Variants in PRKCE observed in about 807,000 individuals in gnomAD.
PRKCE encodes protein kinase C epsilon type.
In PRKCE, 16 loss-of-function variants were observed where a neutral mutation model predicts 85.4. The observed-to-expected ratio is 0.19, with a 90% CI of 0.13 to 0.28. The LOEUF is 0.28. Among genes scored for constraint, PRKCE ranks in the 10% least tolerant of loss-of-function variants. PRKCE has a pLI of 1.00. For missense variants in PRKCE, 573 were observed against 975.2 expected (o/e 0.59, Z 5.49); for synonymous variants, 388 against 371.5 (o/e 1.04, Z -0.51).
intron 10 of PRKCE, among the ~76,000 whole-genome samples, chr2:46,033,488 G>C (rs1277401435): frequency 6.6e-6 from 1 of 152,134 alleles, no homozygotes; most frequent in East Asian, 1.9e-4. Flanking sequence ...CAAATTGTAG[G>C]TCCCACCCCT....
chr2:45,716,518 C>T (rs902899414), intron 1 of PRKCE, among the ~76,000 whole-genome samples: 8 of 139,254 alleles, frequency 5.7e-5, no homozygotes, highest in African/African-American at 2.2e-4. Context: ...AAGACTCTGT[C>T]AAGAAAGAAA....
rs114865655 is a variant in PRKCE, at chr2:45,750,733, G to A, written c.349-92267G>A. ...ATGGGTCATTCTGAGAATTGAATGAGTAATACATGGAAGTATATAGAACAG... is the reference window on the plus strand; with the variant it reads ...ATGGGTCATTCTGAGAATTGAATGAATAATACATGGAAGTATATAGAACAG... On this transcript the variant is annotated intron_variant, in intron 1 of 14. Coordinates refer to ENST00000306156, the MANE Select transcript of PRKCE (RefSeq NM_005400.3). 5.9e-3 allele frequency among the ~76,000 whole-genome samples: 903 copies of A among 152,312 alleles called. 12 individuals are homozygous for A. The highest frequency in any genetic ancestry group is 0.02 in the African/African-American group (834 of 41,552).
intron 5 of PRKCE, among the ~76,000 whole-genome samples, chr2:45,984,158 G>A (rs957671098): frequency 1.3e-5 from 2 of 151,886 alleles, no homozygotes; most frequent in Admixed American, 1.3e-4. Context: ...GGCTGGTCTC[G>A]AACTCCTGAC....
At chr2:46,053,810 A>C (rs1391370528) in intron 10 of PRKCE, among the ~76,000 whole-genome samples, 1 of 152,174 alleles carries the variant, frequency 6.6e-6, no homozygotes, top group African/African-American at 2.4e-5. Flanking sequence ...ATTGCGAGTA[A>C]TGCTGCTGTG....
At chr2:45,721,290 G>C (rs549025330) in intron 1 of PRKCE, among the ~76,000 whole-genome samples, 1 of 152,250 alleles carries the variant, frequency 6.6e-6, no homozygotes, top group East Asian at 1.9e-4. Context: ...CATTTTCACA[G>C]TTCCACATTG....
At chr2:45,757,595 A>C (rs1410742764) in intron 1 of PRKCE, among the ~76,000 whole-genome samples, 1 of 152,130 alleles carries the variant, frequency 6.6e-6, no homozygotes, top group African/African-American at 2.4e-5. Context: ...TGAGCCCAGG[A>C]GTTAGAGGTT....
chr2:45,753,004 T>C (rs796688779), intron 1 of PRKCE, among the ~76,000 whole-genome samples: 12 of 152,292 alleles, frequency 7.9e-5, no homozygotes, highest in African/African-American at 2.9e-4. Context: ...GGCACACACA[T>C]TTCATGGAGA....
chr2:46,072,388 A>G (rs1211155455), intron 10 of PRKCE, among the ~76,000 whole-genome samples: 1 of 152,232 alleles, frequency 6.6e-6, no homozygotes, highest in African/African-American at 2.4e-5. Flanking sequence ...ATGAAAGGGG[A>G]TTTAGCAGAG....
Position 45,899,855 on chromosome 2 carries a change from C to T in PRKCE, c.412+56792C>T, listed in dbSNP as rs78957927. ...GACACCACCTGGGGAGAAAGCCATG[C>T]GGCAATTGTGTCTCTTTTCATTTCT... On this transcript the variant is annotated intron_variant, in intron 2 of 14. Coordinates refer to ENST00000306156, the MANE Select transcript of PRKCE (RefSeq NM_005400.3). 5.3e-3 allele frequency among the ~76,000 whole-genome samples: 813 copies of T among 152,306 alleles called. 6 individuals are homozygous for T. Among genetic ancestry groups the T allele is most frequent in the Non-Finnish European group, 8.9e-3 (607 of 68,028 alleles).
At chr2:45,953,140 C>G (rs1015465322) in intron 2 of PRKCE, among the ~76,000 whole-genome samples, 2 of 152,166 alleles carry the variant, frequency 1.3e-5, no homozygotes, top group African/African-American at 4.8e-5. Flanking sequence ...AGTTCTGAAC[C>G]CCCTTCCCCA....
chr2:45,922,880 C>T (rs888433003), intron 2 of PRKCE, among the ~76,000 whole-genome samples: 1 of 152,174 alleles, frequency 6.6e-6, no homozygotes, highest in African/African-American at 2.4e-5. Flanking sequence ...TATGTTAAAT[C>T]CCTGTAACTT....
intron 2 of PRKCE, among the ~76,000 whole-genome samples, chr2:45,915,645 T>C (rs1304930757): frequency 1.3e-5 from 2 of 152,204 alleles, no homozygotes; most frequent in Non-Finnish European, 2.9e-5. Context: ...TTCTATCAAA[T>C]TCGTATGATC....
At chr2:45,784,509 A>T (rs891299749) in intron 1 of PRKCE, among the ~76,000 whole-genome samples, 25 of 152,304 alleles carry the variant, frequency 1.6e-4, no homozygotes, top group Non-Finnish European at 1.8e-4. Flanking sequence ...GTCGGAATCC[A>T]ATTTCCTAAT....
chr2:45,923,139 G>A (rs188507059), intron 2 of PRKCE, among the ~76,000 whole-genome samples: 11 of 152,328 alleles, frequency 7.2e-5, no homozygotes, highest in African/African-American at 2.4e-4. Context: ...TGCATGGGGA[G>A]AAATAGAGGA....
intron 10 of PRKCE, among the ~76,000 whole-genome samples, chr2:46,039,189 A>G (rs1046954005): frequency 1.3e-5 from 2 of 152,242 alleles, no homozygotes; most frequent in Non-Finnish European, 2.9e-5. Context: ...AAATGAGTGG[A>G]TGCAATGTTA....
intron 10 of PRKCE, among the ~76,000 whole-genome samples, chr2:46,030,311 C>G (rs931652878): frequency 1.1e-4 from 17 of 152,322 alleles, no homozygotes; most frequent in African/African-American, 4.1e-4. Flanking sequence ...TGTGAACCTC[C>G]TGTCTAACCC....
intron 2 of PRKCE, among the ~76,000 whole-genome samples, chr2:45,843,305 G>T (rs185627810): frequency 6.6e-6 from 1 of 152,238 alleles, no homozygotes. Flanking sequence ...TAAAACGGGC[G>T]TTTTTGCACG....
At chr2:46,081,555 G>T (rs1021772635) in intron 10 of PRKCE, among the ~76,000 whole-genome samples, 4 of 152,178 alleles carry the variant, frequency 2.6e-5, no homozygotes, top group Admixed American at 6.5e-5. Flanking sequence ...CGTCACAGGG[G>T]GATCTGACCT....
intron 1 of PRKCE, among the ~76,000 whole-genome samples, chr2:45,797,040 C>G (rs952546478): frequency 2.0e-5 from 3 of 152,134 alleles, no homozygotes; most frequent in Non-Finnish European, 4.4e-5. Context: ...GAGGGTGAAT[C>G]CCTAGGAGTG....
Sources: allele counts gnomAD v4.1 joint callset (sites outside exome capture counted in the v4.1 genomes callset), GRCh38; gene constraint gnomAD v4.1.1; transcripts MANE v1.5; gene names NCBI Gene and HGNC (gene_info 2026-07-23, HGNC 2026-07-21).